The following TM7SF2 variants were observed in gnomAD, a reference collection of about 807,000 sequenced individuals.
TM7SF2 encodes the protein delta(14)-sterol reductase TM7SF2.
A neutral mutation model predicts 51.0 loss-of-function variants in TM7SF2; 51 were observed. The ratio of observed to expected loss-of-function variants is 1.00; its 90% confidence interval spans 0.80 to 1.26. TM7SF2 has a LOEUF of 1.26. TM7SF2 is among the 50% of genes most tolerant of loss of function. TM7SF2 has a pLI of 0.00. For missense variants in TM7SF2, 541 were observed against 547.4 expected, an observed-to-expected ratio of 0.99 and a Z score of 0.12; for synonymous variants, 255 against 241.0, an observed-to-expected ratio of 1.06 and a Z score of -0.54.
In TM7SF2 at chr11:65,115,896, T is replaced by C. The variant is rs1332867882; in HGVS notation, c.1100T>C (p.Val367Ala). Reference protein sequence around the residue: ...MALAWSLPCGVSHLLPYFYLL... With the variant: ...MALAWSLPCGASHLLPYFYLL... ...CACAGAGCCTCCTTCTCTACAGGGG[T>C]GTCACACCTGCTGCCCTACTTCTAC... Residue 367 changes from valine to alanine, a missense_variant, in exon 10 of 10, where the codon GTG (valine) becomes GCG (alanine). Transcript: ENST00000279263. 1.2e-6 allele frequency: 2 copies of C among 1,613,796 alleles called. No individual in the cohort carries two copies. Among genetic ancestry groups the C allele is most frequent in the Non-Finnish European group, 1.7e-6 (2 of 1,179,962 alleles).
At chr11:65,113,034 C>T in intron 3 of TM7SF2, 169 bp downstream of exon 3, 1 of 1,052,986 alleles carries the variant, frequency 9.5e-7, no homozygotes, top group East Asian at 2.6e-5. Context: ...TCCCCACAGC[C>T]TTACCCCATT....
At chr11:65,115,178 A>G in intron 7 of TM7SF2, 97 bp downstream of exon 7, 8 of 1,592,718 alleles carry the variant, frequency 5.0e-6, no homozygotes, top group Non-Finnish European at 6.0e-6. Context: ...GCTAACCCCC[A>G]GGGTTCTCTA....
At position 65,115,166 on chromosome 11, in the gene TM7SF2, G is replaced by A. The variant is rs915159380; in HGVS notation, c.892+85G>A. On this transcript the variant is annotated intron_variant, in intron 7 of 9. Transcript: ENST00000279263. ...TCTGTTTACACGCACCACCACATAGGTGCTAACCCCCAGGGTTCTCTAAAG... is the reference window on the plus strand; with the variant it reads ...TCTGTTTACACGCACCACCACATAGATGCTAACCCCCAGGGTTCTCTAAAG... 6.9e-6 allele frequency: 11 copies of A among 1,596,452 alleles called. No homozygotes were observed. In the Middle Eastern group the frequency reaches 8.9e-4, roughly 129 times the overall value.
In TM7SF2 at chr11:65,116,125, A is replaced by G; in HGVS notation, c.*72A>G. ...AGCACACCCAGGACCAGGAGCCTCG[A>G]CACACTTGGGACTCAAGGGCTTGCA... On this transcript the variant is annotated 3_prime_UTR_variant, in exon 10 of 10. Transcript: ENST00000279263. 1.1e-5 allele frequency: 17 copies of G among 1,542,950 alleles called. No individual in the cohort carries two copies. Among genetic ancestry groups the G allele is most frequent in the Non-Finnish European group, 1.5e-5 (17 of 1,145,142 alleles).
chr11:65,116,043 A>G lies in TM7SF2; in HGVS notation c.1247A>G (p.Tyr416Cys), dbSNP rs1171305566. The part of the protein sequence containing the change: ...CRRVPYRIMP[Y>C]IY ...CGTGTGCCTTACCGCATCATGCCCT[A>G]CATCTACTGAAGCGGCTCCACCACC... is the stretch of plus-strand genomic sequence containing the variant. The change falls in exon 10 of 10, where the codon TAC (tyrosine) becomes TGC (cysteine). Residue 416 changes from tyrosine (Y) to cysteine (C), a missense_variant. Transcript: ENST00000279263. The G allele has an allele frequency of 3.7e-6, 6 of 1,606,732 alleles. No homozygotes were observed. Among genetic ancestry groups the G allele is most frequent in the Admixed American group, 3.3e-5 (2 of 59,972 alleles).
At chr11:65,114,299 G>GC (rs1003713003) in intron 5 of TM7SF2, among the ~76,000 whole-genome samples, 2 of 111,326 alleles carry the variant, frequency 1.8e-5, no homozygotes, top group Non-Finnish European at 4.1e-5. Context: ...GCACAGGCTT[G>GC]CTCCGGCTAG....
chr11:65,112,802 G>T lies in TM7SF2; in HGVS notation c.250-9G>T. The T allele has an allele frequency of 6.5e-7, 1 of 1,550,382 alleles. No homozygotes were observed. The highest frequency in any genetic ancestry group is 8.7e-7 in the Non-Finnish European group (1 of 1,146,926). On this transcript the variant is annotated splice_polypyrimidine_tract_variant and intron_variant, in intron 2 of 9. Coordinates refer to ENST00000279263, the MANE Select transcript of TM7SF2 (RefSeq NM_003273.6). ...CCCGGGCCTTATCAGAGCCCCCTTG[G>T]ACCCGCAGGTGGCCGAGGGGCAGGA... is the stretch of plus-strand genomic sequence containing the variant.
In TM7SF2 at chr11:65,112,066, G is replaced by C. The variant is rs758050440; in HGVS notation, c.51G>C (p.Leu17=). The change falls in exon 1 of 10, where the codon CTG becomes CTC. Residue 17 remains leucine, a splice_region_variant and synonymous_variant. Coordinates refer to ENST00000279263, the MANE Select transcript of TM7SF2 (RefSeq NM_003273.6). ...CCCCGCTGGAATTCGGAGGGCCCCTGGGTAATGGGGCAGAGAGATGGGACC... is the reference window on the plus strand; with the variant it reads ...CCCCGCTGGAATTCGGAGGGCCCCTCGGTAATGGGGCAGAGAGATGGGACC... ...PRAPLEFGGP[L]GAAALLLLLP... is the part of the protein sequence containing the mutation. The C allele has an allele frequency of 7.5e-6, 12 of 1,597,758 alleles. No homozygotes were observed. In the South Asian group the frequency reaches 1.4e-4, roughly 18 times the overall value.
Position 65,115,979 on chromosome 11 carries a change from C to T in TM7SF2, c.1183C>T (p.Leu395=), listed in dbSNP as rs1471534561. 1 of 1,613,698 alleles carries T rather than the reference C, an allele frequency of 6.2e-7. No homozygotes were observed. Among genetic ancestry groups the T allele is most frequent in the South Asian group, 1.1e-5 (1 of 91,072 alleles). ...TGAGGCCCGGGATGAGCGGCAGTGC[C>T]TGCAGAAGTACGGCCTGGCCTGGCA... ...HREARDERQC[L]QKYGLAWQEY... The change falls in exon 10 of 10, where the codon CTG becomes TTG. Residue 395 remains leucine (L), a synonymous_variant. Coordinates refer to ENST00000279263, the MANE Select transcript of TM7SF2 (RefSeq NM_003273.6).
chr11:65,112,364 G>A (rs1947916336), intron 1 of TM7SF2, 151 bp from the exon 2 acceptor site: 2 of 890,788 alleles, frequency 2.2e-6, no homozygotes, highest in Non-Finnish European at 3.2e-6. Context: ...GAGGCAGCGG[G>A]GTGCCTGGGG....
intron 1 of TM7SF2, chr11:65,112,273 G>T: frequency 1.5e-6 from 1 of 652,758 alleles, no homozygotes; most frequent in Non-Finnish European, 2.6e-6. Flanking sequence ...GGGGATTTAT[G>T]GTGTCGACTG....
Position 65,116,010 on chromosome 11 carries a change from A to T in TM7SF2, c.1214A>T (p.Tyr405Phe). The T allele has an allele frequency of 6.2e-7, 1 of 1,612,042 alleles. No homozygotes were observed. Among genetic ancestry groups the T allele is most frequent in the Middle Eastern group, 1.8e-4 (1 of 5,588 alleles). ...AAGTACGGCCTGGCCTGGCAGGAGT[A>T]CTGCCGGCGTGTGCCTTACCGCATC... The part of the protein sequence containing the change: ...LQKYGLAWQE[Y>F]CRRVPYRIMP... The change falls in exon 10 of 10, where the codon TAC (tyrosine) becomes TTC (phenylalanine). Residue 405 changes from tyrosine (Y) to phenylalanine (F), a missense_variant. Physicochemically the swap from Tyr to Phe is conservative, Grantham distance 22. Coordinates refer to ENST00000279263, the MANE Select transcript of TM7SF2 (RefSeq NM_003273.6).
At position 65,113,242 on chromosome 11, in the gene TM7SF2, A is replaced by G. The variant is rs778034855; in HGVS notation, c.327A>G (p.Thr109=). 8.1e-6 allele frequency: 13 copies of G among 1,603,870 alleles called. No homozygotes were observed. Among genetic ancestry groups the G allele is most frequent in the Non-Finnish European group, 1.0e-5 (12 of 1,179,624 alleles). Residue 109 remains threonine (T), a synonymous_variant, in exon 4 of 10, where the codon ACA becomes ACG. Coordinates refer to ENST00000279263, the MANE Select transcript of TM7SF2 (RefSeq NM_003273.6). The stretch of plus-strand genomic sequence containing the variant: ...CAGGCTTCCAGGCCCTGGTGCTGAC[A>G]GCCCTGTTGGTGGGGCTGGGGATGT... The part of the protein sequence containing the change: ...PINGFQALVL[T]ALLVGLGMSA...
chr11:65,115,139 G>A, intron 7 of TM7SF2, 58 bp downstream of exon 7: 1 of 1,602,354 alleles, frequency 6.2e-7, no homozygotes. Context: ...TTTGATTCAT[G>A]CTCTGTTTAC....
At position 65,115,973 on chromosome 11, in the gene TM7SF2, C is replaced by G. The variant is rs1244010289; in HGVS notation, c.1177C>G (p.Gln393Glu). The stretch of plus-strand genomic sequence containing the variant: ...GCACCGTGAGGCCCGGGATGAGCGG[C>G]AGTGCCTGCAGAAGTACGGCCTGGC... ...LVHREARDER[Q>E]CLQKYGLAWQ... is the part of the protein sequence containing the mutation. Residue 393 changes from glutamine to glutamate, a missense_variant, in exon 10 of 10, where the codon CAG becomes GAG. Transcript: ENST00000279263. 1 of 1,613,626 alleles carries G rather than the reference C, an allele frequency of 6.2e-7. No individual in the cohort carries two copies. The highest frequency in any genetic ancestry group is 8.5e-7 in the Non-Finnish European group (1 of 1,180,028).
Position 65,115,502 on chromosome 11 carries a change from G to C in TM7SF2, c.1000G>C (p.Gly334Arg), listed in dbSNP as rs1332211373. The C allele has an allele frequency of 1.9e-6, 3 of 1,614,056 alleles. No individual in the cohort carries two copies. In the African/African-American group the frequency reaches 4.0e-5, roughly 22 times the overall value. The change falls in exon 9 of 10, where the codon GGG becomes CGG. Residue 334 changes from glycine (G) to arginine (R), a missense_variant. By Grantham distance (125) the Gly-to-Arg change is moderately radical. Transcript: ENST00000279263. ...AGLETISTAT[G>R]RKLLVSGWWG... Reference sequence around the variant, plus strand: ...GCTTGAGACCATCTCTACAGCCACAGGGCGGAAACTGCTGGTGTCTGGGTG... The same window carrying C: ...GCTTGAGACCATCTCTACAGCCACACGGCGGAAACTGCTGGTGTCTGGGTG...
Position 65,113,554 on chromosome 11 carries a change from T to G in TM7SF2, c.563T>G (p.Phe188Cys). Residue 188 changes from phenylalanine (F) to cysteine (C), a missense_variant, in exon 5 of 10, where the codon TTC becomes TGC. Physicochemically the swap from Phe to Cys is radical, Grantham distance 205. Transcript: ENST00000279263. ...ELNPRICFFD[F>C]KYFCELRPGL... ...AACCCTCGTATCTGTTTCTTCGACT[T>G]CAAATATTTCTGTGAACTGCGACCC... is the stretch of plus-strand genomic sequence containing the variant. 1.9e-6 allele frequency: 3 copies of G among 1,613,956 alleles called. No individual in the cohort carries two copies. Among genetic ancestry groups the G allele is most frequent in the Non-Finnish European group, 2.5e-6 (3 of 1,179,934 alleles).
At position 65,115,922 on chromosome 11, in the gene TM7SF2, C is replaced by T. The variant is rs369161377; in HGVS notation, c.1126C>T (p.Leu376Phe). 5.0e-6 allele frequency: 8 copies of T among 1,613,986 alleles called. No homozygotes were observed. In the African/African-American group the frequency reaches 8.0e-5, roughly 16 times the overall value. The part of the protein sequence containing the change: ...GVSHLLPYFY[L>F]LYFTALLVHR... ...GTCACACCTGCTGCCCTACTTCTAC[C>T]TCCTCTACTTCACCGCGCTGCTGGT... is the stretch of plus-strand genomic sequence containing the variant. The change falls in exon 10 of 10, where the codon CTC (leucine) becomes TTC (phenylalanine). Residue 376 changes from leucine (L) to phenylalanine (F), a missense_variant. By Grantham distance (22) the Leu-to-Phe change is conservative. Coordinates refer to ENST00000279263, the MANE Select transcript of TM7SF2 (RefSeq NM_003273.6).
chr11:65,115,122 CT>C (rs766316173), intron 7 of TM7SF2, 41 bp downstream of exon 7: 13 of 1,605,974 alleles, frequency 8.1e-6, no homozygotes, highest in African/African-American at 8.0e-5. Flanking sequence ...CATCTTCCCC[CT>C]ATCCCTTTGA....
Sources: allele counts gnomAD v4.1 joint callset (sites outside exome capture counted in the v4.1 genomes callset), GRCh38; gene constraint gnomAD v4.1.1; transcripts MANE v1.5; gene names NCBI Gene and HGNC (gene_info 2026-07-23, HGNC 2026-07-21).